ROR2: variants seen among roughly 807,000 people sequenced by gnomAD.
The protein encoded by ROR2 is tyrosine-protein kinase transmembrane receptor ROR2.
A neutral mutation model predicts 74.9 loss-of-function variants in ROR2; 33 were observed. The ratio of observed to expected loss-of-function variants is 0.44; its 90% CI spans 0.33 to 0.59. The LOEUF (loss-of-function observed/expected upper bound fraction) is 0.59. Among genes scored for constraint, ROR2 ranks in the 20% least tolerant of loss-of-function variants. The pLI, the probability that ROR2 is intolerant of heterozygous loss-of-function variation, is 0.02. For missense variants in ROR2, 1,216 were observed against 1,313.8 expected (o/e 0.93, Z 1.15); for synonymous variants, 586 against 558.7 (o/e 1.05, Z -0.69).
At chr9:91,891,908 C>T (rs1245490251) in intron 1 of ROR2, among the ~76,000 whole-genome samples, 2 of 151,984 alleles carry the variant, frequency 1.3e-5, no homozygotes, top group African/African-American at 2.4e-5. Flanking sequence ...ATTAGCCAGG[C>T]GTGGTGGTGG....
intron 1 of ROR2, among the ~76,000 whole-genome samples, chr9:91,896,166 T>C (rs911826488): frequency 6.6e-6 from 1 of 152,234 alleles, no homozygotes; most frequent in South Asian, 2.1e-4. Context: ...AGAAGAGAAA[T>C]TCACGCAGTG....
chr9:91,944,552 A>G (rs998286654), intron 1 of ROR2, among the ~76,000 whole-genome samples: 2 of 152,234 alleles, frequency 1.3e-5, no homozygotes, highest in African/African-American at 2.4e-5. Flanking sequence ...AAAATGTTAC[A>G]TTTCTGTGCA....
intron 1 of ROR2, among the ~76,000 whole-genome samples, chr9:91,804,916 T>A (rs937108870): frequency 7.9e-5 from 12 of 152,244 alleles, no homozygotes; most frequent in African/African-American, 2.9e-4. Flanking sequence ...AATTCCTTTT[T>A]CTTTCCTTTG....
intron 7 of ROR2, among the ~76,000 whole-genome samples, chr9:91,730,705 C>T (rs1287293296): frequency 2.6e-5 from 4 of 151,976 alleles, no homozygotes; most frequent in Admixed American, 2.0e-4. Flanking sequence ...CTGCCCACCT[C>T]GGCCTCCCAA....
intron 1 of ROR2, among the ~76,000 whole-genome samples, chr9:91,912,107 G>A (rs982573314): frequency 6.6e-6 from 1 of 151,950 alleles, no homozygotes; most frequent in Non-Finnish European, 1.5e-5. Context: ...TGGGATCCTG[G>A]ATCACACAAA....
chr9:91,921,551 T>C (rs1471744806), intron 1 of ROR2, among the ~76,000 whole-genome samples: 4 of 152,064 alleles, frequency 2.6e-5, no homozygotes, highest in Admixed American at 2.0e-4. Context: ...TTCAAGGGGA[T>C]GGTAATGTTT....
At chr9:91,833,756 A>ATCTGCTGGAGCATCCCC (rs1216169366) in intron 1 of ROR2, among the ~76,000 whole-genome samples, 3 of 152,026 alleles carry the variant, frequency 2.0e-5, no homozygotes, top group Non-Finnish European at 4.4e-5. Flanking sequence ...TGTCCTGGAC[A>ATCTGCTGGAGCATCCCC]TCTGCTGGAG....
At chr9:91,775,846 T>C in intron 1 of ROR2, 28 bp from the exon 2 acceptor site, 6 of 1,605,194 alleles carry the variant, frequency 3.7e-6, no homozygotes, top group Non-Finnish European at 5.1e-6. Flanking sequence ...GGATAGGTAT[T>C]AAACAAGTTT....
At chr9:91,767,531 T>C (rs548499066) in intron 2 of ROR2, among the ~76,000 whole-genome samples, 1 of 152,348 alleles carries the variant, frequency 6.6e-6, no homozygotes, top group Non-Finnish European at 1.5e-5. Flanking sequence ...GGCGCTTTGA[T>C]TAGCGGGAAA....
chr9:91,895,175 A>G (rs1200964787), intron 1 of ROR2, among the ~76,000 whole-genome samples: 2 of 152,248 alleles, frequency 1.3e-5, no homozygotes, highest in East Asian at 3.8e-4. Context: ...TGAAAGAACT[A>G]CATACTATAT....
At chr9:91,812,579 C>T (rs1444816052) in intron 1 of ROR2, among the ~76,000 whole-genome samples, 1 of 151,344 alleles carries the variant, frequency 6.6e-6, no homozygotes, top group Non-Finnish European at 1.5e-5. Context: ...CCCACACACA[C>T]GTGTGTGTGG....
At chr9:91,784,217 G>A (rs920490075) in intron 1 of ROR2, among the ~76,000 whole-genome samples, 3 of 152,158 alleles carry the variant, frequency 2.0e-5, no homozygotes, top group Non-Finnish European at 2.9e-5. Flanking sequence ...GCTGGAGTTC[G>A]TCTTGACTCC....
At chr9:91,921,458 A>G (rs1410584113) in intron 1 of ROR2, among the ~76,000 whole-genome samples, 1 of 152,256 alleles carries the variant, frequency 6.6e-6, no homozygotes, top group Non-Finnish European at 1.5e-5. Flanking sequence ...ACACTGGCAA[A>G]AGAGGACACT....
At chr9:91,817,704 G>A (rs916401745) in intron 1 of ROR2, among the ~76,000 whole-genome samples, 10 of 152,166 alleles carry the variant, frequency 6.6e-5, no homozygotes, top group East Asian at 3.9e-4. Context: ...TGGCCACCTC[G>A]CCAATATGAG....
At chr9:91,825,907 G>T (rs551223051) in intron 1 of ROR2, among the ~76,000 whole-genome samples, 2 of 152,198 alleles carry the variant, frequency 1.3e-5, no homozygotes, top group African/African-American at 4.8e-5. Flanking sequence ...TTCCATCGGC[G>T]AATAAACCAA....
rs1312931620 is a variant in ROR2, at chr9:91,733,429, G to T, written c.630C>A (p.Phe210Leu). Residue 210 changes from phenylalanine to leucine, a missense_variant, in exon 6 of 9, where the codon TTC (phenylalanine) becomes TTA (leucine). Phe to Leu is a conservative substitution (Grantham distance 22, BLOSUM62 0). Transcript: ENST00000375708. The surrounding 1 kb of genome is among the most constrained non-coding windows in gnomAD (Gnocchi z 5.7). ...GGTGCGTAGACGTGCCGATCATGGTGAAGGCCGCTGCAGAGCCCGCGAGAC... is the reference window on the plus strand; with the variant it reads ...GGTGCGTAGACGTGCCGATCATGGTTAAGGCCGCTGCAGAGCCCGCGAGAC... ...GEIENRITAA[F>L]TMIGTSTHLS... 1.2e-6 allele frequency: 2 copies of T among 1,610,536 alleles called. No homozygotes were observed. Among genetic ancestry groups the T allele is most frequent in the African/African-American group, 1.3e-5 (1 of 74,920 alleles).
intron 1 of ROR2, among the ~76,000 whole-genome samples, chr9:91,938,138 C>G (rs150466166): frequency 4.4e-4 from 67 of 152,270 alleles, no homozygotes; most frequent in African/African-American, 1.6e-3. Flanking sequence ...CAGGCTGACC[C>G]GAGTTAGTCT....
intron 1 of ROR2, among the ~76,000 whole-genome samples, chr9:91,861,921 C>T (rs926205879): frequency 2.0e-5 from 3 of 152,222 alleles, no homozygotes; most frequent in Non-Finnish European, 4.4e-5. Flanking sequence ...AATTCTTATC[C>T]CTAATGCCCA....
At chr9:91,816,080 T>C (rs1827920869) in intron 1 of ROR2, among the ~76,000 whole-genome samples, 1 of 151,994 alleles carries the variant, frequency 6.6e-6, no homozygotes, top group Admixed American at 6.6e-5. Flanking sequence ...TCTGGCTCCC[T>C]CTTCCCTGGA....
Sources: allele counts gnomAD v4.1 joint callset (sites outside exome capture counted in the v4.1 genomes callset), GRCh38; gene constraint gnomAD v4.1.1; non-coding constraint Gnocchi (gnomAD v3.1); transcripts MANE v1.5; gene names NCBI Gene and HGNC (gene_info 2026-07-23, HGNC 2026-07-21).